The following SQSTM1 variants were observed in gnomAD, a reference collection of about 807,000 sequenced individuals.
SQSTM1 encodes sequestosome 1, also known as sequestosome-1.
In SQSTM1, 36 loss-of-function variants were observed where a neutral mutation model predicts 45.1. The observed-to-expected ratio is 0.80, with a 90% CI of 0.61 to 1.05. The LOEUF is 1.05. Ranked by LOEUF, SQSTM1 falls within the 50% of genes least tolerant of loss-of-function variation. The pLI is 0.00. For synonymous variants in SQSTM1, 290 were observed against 244.3 expected (o/e 1.19, Z -1.74); for missense variants, 617 against 607.1 (o/e 1.02, Z -0.17).
rs572167368 is a variant in SQSTM1, at chr5:179,827,980, G to T, written c.754+2754G>T. 3.9e-5 allele frequency among the ~76,000 whole-genome samples: 6 copies of T among 152,310 alleles called. No individual in the cohort carries two copies. In the South Asian group the frequency reaches 1.0e-3, roughly 26 times the overall value. On this transcript the variant is annotated intron_variant, in intron 5 of 7. Transcript: ENST00000389805. ...TGAGGGAGCCACAACTGAGACCCAG[G>T]CTGCTCCTGGCTGGGAGGCTACAGG... is the stretch of plus-strand genomic sequence containing the variant.
chr5:179,806,504 G>A lies in SQSTM1; in HGVS notation c.-244G>A. On this transcript the variant is annotated 5_prime_UTR_variant, in exon 1 of 6. Coordinates refer to the SQSTM1 transcript ENST00000514093. The surrounding 1 kb of genome is among the most constrained non-coding windows in gnomAD (Gnocchi z 4.6). ...GCGCTCACCTTTCTGGCCGCTGAGT[G>A]CCGCGTACCAGGACAGCGAGAGGAA... The A allele has an allele frequency of 7.6e-7, 1 of 1,322,748 alleles. No homozygotes were observed. The highest frequency in any genetic ancestry group is 9.9e-7 in the Non-Finnish European group (1 of 1,010,788). The allele number at this position is 1,322,748 out of a possible 1,614,324, so 81.9% of individuals were successfully genotyped here.
intron 1 of SQSTM1, among the ~76,000 whole-genome samples, chr5:179,822,128 A>C (rs1361826282): frequency 6.6e-6 from 1 of 152,220 alleles, no homozygotes; most frequent in Admixed American, 6.5e-5. Context: ...ACATGCCCCC[A>C]GCAACCTCCT....
chr5:179,817,034 A>G (rs981676514), upstream of SQSTM1, among the ~76,000 whole-genome samples: 1 of 151,564 alleles, frequency 6.6e-6, no homozygotes, highest in African/African-American at 2.4e-5. Context: ...CGGGCAGGCC[A>G]CTTCTGACGC....
At chr5:179,833,408 C>T in intron 6 of SQSTM1, 162 bp downstream of exon 6, 1 of 985,282 alleles carries the variant, frequency 1.0e-6, no homozygotes. Context: ...CGCTGGGAAC[C>T]TGCTAGAACT....
rs762893891 is a variant in SQSTM1 at position 179,837,211 on chromosome 5, A to C, written c.*618A>C. On this transcript the variant is annotated 3_prime_UTR_variant, in exon 8 of 8. Coordinates refer to ENST00000389805, the MANE Select transcript of SQSTM1 (RefSeq NM_003900.5). ...AGATCTCTTTGTAGCCATCCTGTTA[A>C]ATTTGTAAACAATCTAATTAAATGG... 12 of 1,576,488 alleles carry C rather than the reference A, an allele frequency of 7.6e-6. No individual in the cohort carries two copies. The Admixed American group carries it at 2.2e-4, about 29-fold the overall frequency.
At chr5:179,817,318 G>A (rs1035923568), upstream of SQSTM1, among the ~76,000 whole-genome samples, 2 of 152,170 alleles carry the variant, frequency 1.3e-5, no homozygotes, top group Non-Finnish European at 2.9e-5. Context: ...TTTAGACACC[G>A]CCGGGCGTTC....
At position 179,806,656 on chromosome 5, in the gene SQSTM1, G is replaced by T; in HGVS notation, c.-157+65G>T. ...CGGGGGACCGGGGCCGGGGCGCAGG[G>T]GTCGGAAGGCGGCGGCGGCGGCGGC... On this transcript the variant is annotated intron_variant, in intron 1 of 5. Coordinates refer to the SQSTM1 transcript ENST00000514093. This position sits in a 1 kb window ranked among gnomAD's most constrained non-coding sequence, Gnocchi z 4.6. The T allele has an allele frequency of 1.2e-6, 1 of 824,854 alleles. No homozygotes were observed. Among genetic ancestry groups the T allele is most frequent in the Non-Finnish European group, 1.5e-6 (1 of 676,392 alleles). 51.1% of individuals were successfully genotyped at this position (824,854 alleles called of 1,614,324 possible).
At position 179,836,912 on chromosome 5, in the gene SQSTM1, G is replaced by A. The variant is rs11548630; in HGVS notation, c.*319G>A. 8.9e-5 allele frequency: 54 copies of A among 607,262 alleles called. No homozygotes were observed. The highest frequency in any genetic ancestry group is 8.7e-4 in the African/African-American group (47 of 54,000). 37.6% of individuals were successfully genotyped at this position (607,262 alleles called of 1,614,324 possible). On this transcript the variant is annotated 3_prime_UTR_variant, in exon 8 of 8. Transcript: ENST00000389805. ...CAGCCCAGCACATAGCTTGCCTAATGGCTTTCACTTTCTCTTTTGTTTTAA... is the reference window on the plus strand; with the variant it reads ...CAGCCCAGCACATAGCTTGCCTAATAGCTTTCACTTTCTCTTTTGTTTTAA...
Position 179,806,481 on chromosome 5 carries a change from G to A in SQSTM1, c.-267G>A. ...CAGGTGCGGGCCGGGCGGGGGTCGC[G>A]CTCACCTTTCTGGCCGCTGAGTGCC... On this transcript the variant is annotated 5_prime_UTR_variant, in exon 1 of 6. Transcript: ENST00000514093. The surrounding 1 kb of genome is among the most constrained non-coding windows in gnomAD (Gnocchi z 4.6). 7.8e-7 allele frequency: 1 copy of A among 1,288,994 alleles called. No individual in the cohort carries two copies. Among genetic ancestry groups the A allele is most frequent in the Non-Finnish European group, 1.0e-6 (1 of 992,078 alleles). 79.8% of individuals were successfully genotyped at this position (1,288,994 alleles called of 1,614,324 possible).
At chr5:179,813,897 A>C (rs1757506927), upstream of SQSTM1, among the ~76,000 whole-genome samples, 1 of 152,210 alleles carries the variant, frequency 6.6e-6, no homozygotes, top group South Asian at 2.1e-4. Flanking sequence ...CACTGTCACA[A>C]AACTAGCATA....
At chr5:179,824,431 C>T in intron 4 of SQSTM1, 108 bp downstream of exon 4, 1 of 1,506,678 alleles carries the variant, frequency 6.6e-7, no homozygotes, top group Non-Finnish European at 9.2e-7. Context: ...CAGGATACCC[C>T]CCACCTTCCT....
At chr5:179,835,362 C>T (rs978840152) in intron 7 of SQSTM1, 30 of 173,238 alleles carry the variant, frequency 1.7e-4, no homozygotes, top group African/African-American at 3.1e-4. Context: ...TGTAGCGAGC[C>T]GAGATCACGC....
chr5:179,807,996 A>G (rs1046233290), intron 1 of SQSTM1: 38 of 152,298 alleles, frequency 2.5e-4, no homozygotes, highest in African/African-American at 9.2e-4. Context: ...CTGTGGAACC[A>G]GGAAGGGCGC....
intron 1 of SQSTM1, 109 bp downstream of exon 1, chr5:179,821,250 G>A: frequency 1.8e-6 from 2 of 1,102,204 alleles, no homozygotes; most frequent in Non-Finnish European, 2.4e-6. Flanking sequence ...GCCGTGAGGG[G>A]GTCTGCGCTG....
At chr5:179,833,289 T>A in intron 6 of SQSTM1, 43 bp downstream of exon 6, 1 of 1,522,998 alleles carries the variant, frequency 6.6e-7, no homozygotes, top group Non-Finnish European at 8.8e-7. Flanking sequence ...ACGGCCAGCC[T>A]AGTGATCTGT....
intron 2 of SQSTM1, chr5:179,813,003 AAAAAG>A (rs1454142725): frequency 1.3e-4 from 18 of 143,138 alleles, no homozygotes; most frequent in South Asian, 2.5e-4. Context: ...CCCCCAAAAA[AAAAAG>A]AAAAGAAAAA....
intron 5 of SQSTM1, among the ~76,000 whole-genome samples, chr5:179,832,171 A>G (rs1489179586): frequency 6.6e-6 from 1 of 152,224 alleles, no homozygotes; most frequent in South Asian, 2.1e-4. Flanking sequence ...AAGTGCGCAG[A>G]TGTGAACTCC....
rs559922612 is a variant in SQSTM1 at position 179,836,882 on chromosome 5, G to T, written c.*289G>T. The T allele has an allele frequency of 4.9e-6, 3 of 612,150 alleles. No individual in the cohort carries two copies. The African/African-American group carries it at 5.5e-5, about 11-fold the overall frequency. The allele number at this position is 612,150 out of a possible 1,614,324, so 37.9% of individuals were successfully genotyped here. A position where few individuals can be genotyped will look rare whatever the true frequency, so the allele number is the denominator to read the frequency against. ...CCTGACCCCTCCCTGCAGGGGCTAC[G>T]TTAGCAGCCCAGCACATAGCTTGCC... On this transcript the variant is annotated 3_prime_UTR_variant, in exon 8 of 8. Transcript: ENST00000389805.
Position 179,837,366 on chromosome 5 carries a change from C to A in SQSTM1, c.*773C>A. 1 of 1,580,916 alleles carries A rather than the reference C, an allele frequency of 6.3e-7. No individual in the cohort carries two copies. Among genetic ancestry groups the A allele is most frequent in the Non-Finnish European group, 8.6e-7 (1 of 1,162,564 alleles). On this transcript the variant is annotated 3_prime_UTR_variant, in exon 8 of 8. Transcript: ENST00000389805. ...CCTGTCCCTCCTAACAAGTGTATCTCGATTAATAACCTGCCAGTCCCAGAT... is the reference window on the plus strand; with the variant it reads ...CCTGTCCCTCCTAACAAGTGTATCTAGATTAATAACCTGCCAGTCCCAGAT...
Sources: gnomAD v4.1 joint callset for allele counts (sites outside exome capture counted in the v4.1 genomes callset) on GRCh38, gnomAD v4.1.1 for gene constraint, Gnocchi (gnomAD v3.1) non-coding constraint, MANE v1.5 for transcripts, NCBI Gene and HGNC (gene_info 2026-07-23, HGNC 2026-07-21) for gene names.